Variants in PRDM5 observed in about 807,000 individuals in gnomAD.
PRDM5 encodes PR/SET domain 5.
In PRDM5, 56 loss-of-function variants were observed where a neutral mutation model predicts 81.2. The ratio of observed to expected loss-of-function variants is 0.69; its 90% CI spans 0.56 to 0.86. PRDM5 has a LOEUF of 0.86. Ranked by LOEUF, PRDM5 falls within the 40% of genes least tolerant of loss-of-function variation. The pLI, the probability that PRDM5 is intolerant of heterozygous loss-of-function variation, is 0.00. For synonymous variants in PRDM5, 267 were observed against 256.4 expected (o/e 1.04, Z -0.39); for missense variants, 697 against 770.1 (o/e 0.91, Z 1.12).
chr4:120,720,261 G>A (rs1196706374), intron 14 of PRDM5, among the ~76,000 whole-genome samples: 1 of 152,162 alleles, frequency 6.6e-6, no homozygotes, highest in African/African-American at 2.4e-5. Flanking sequence ...TGGTGGTCCT[G>A]ACCACTGATC....
intron 2 of PRDM5, among the ~76,000 whole-genome samples, chr4:120,899,560 C>T: frequency 6.6e-6 from 1 of 152,146 alleles, no homozygotes; most frequent in East Asian, 1.9e-4. Flanking sequence ...ACAACAAACT[C>T]AGAATCTCCT....
At chr4:120,804,225 G>T (rs1293991470) in intron 8 of PRDM5, among the ~76,000 whole-genome samples, 2 of 152,172 alleles carry the variant, frequency 1.3e-5, no homozygotes, top group Non-Finnish European at 2.9e-5. Context: ...CCTACAAAGA[G>T]ATTTAGACTC....
chr4:120,919,991 A>G (rs1374896603), intron 1 of PRDM5, among the ~76,000 whole-genome samples: 1 of 152,202 alleles, frequency 6.6e-6, no homozygotes, highest in East Asian at 1.9e-4. Flanking sequence ...GCAAAAAAGG[A>G]TAATTGCCAA....
intron 14 of PRDM5, among the ~76,000 whole-genome samples, chr4:120,741,519 G>C (rs1204729854): frequency 1.3e-5 from 2 of 151,670 alleles, no homozygotes; most frequent in South Asian, 2.1e-4. Context: ...GAGGTACCGG[G>C]TTCATCTCAC....
chr4:120,782,625 G>A (rs1749198582), intron 11 of PRDM5, among the ~76,000 whole-genome samples: 1 of 152,050 alleles, frequency 6.6e-6, no homozygotes, highest in Admixed American at 6.6e-5. Flanking sequence ...TGGATTCTGA[G>A]AGCTTGGTTT....
At chr4:120,853,588 G>T in intron 2 of PRDM5, 48 bp from the exon 3 acceptor site, 1 of 1,611,692 alleles carries the variant, frequency 6.2e-7, no homozygotes, top group South Asian at 1.1e-5. Context: ...CAGAATATTA[G>T]CCTTTAAACA....
chr4:120,845,030 A>G (rs1758496826), intron 3 of PRDM5, among the ~76,000 whole-genome samples: 1 of 152,238 alleles, frequency 6.6e-6, no homozygotes, highest in African/African-American at 2.4e-5. Flanking sequence ...CCCTAATTCT[A>G]TTCAATTCTG....
chr4:120,816,178 CT>C (rs1754457911), intron 7 of PRDM5: 1 of 444,834 alleles, frequency 2.2e-6, no homozygotes, highest in African/African-American at 2.0e-5. Flanking sequence ...AATATTAATT[CT>C]TAATGCATCT....
intron 2 of PRDM5, among the ~76,000 whole-genome samples, chr4:120,903,736 G>A (rs1286010254): frequency 1.3e-5 from 2 of 152,168 alleles, no homozygotes; most frequent in African/African-American, 4.8e-5. Context: ...CTGTTCTCGT[G>A]GTAGTGAATA....
At chr4:120,733,530 C>T (rs1455304532) in intron 14 of PRDM5, among the ~76,000 whole-genome samples, 1 of 152,202 alleles carries the variant, frequency 6.6e-6, no homozygotes, top group Non-Finnish European at 1.5e-5. Flanking sequence ...TGGACCCTAC[C>T]TGGTCTCCCT....
intron 3 of PRDM5, among the ~76,000 whole-genome samples, chr4:120,824,943 T>C (rs543688206): frequency 4.7e-4 from 71 of 152,314 alleles, no homozygotes; most frequent in Admixed American, 9.8e-4. Context: ...CTCTACATTT[T>C]ATAATTTTCC....
At chr4:120,823,895 G>T (rs930561500) in intron 3 of PRDM5, among the ~76,000 whole-genome samples, 1 of 152,202 alleles carries the variant, frequency 6.6e-6, no homozygotes. Flanking sequence ...ACATGGCTTA[G>T]TGCCGTTCTC....
Position 120,887,886 on chromosome 4 carries a change from G to A in PRDM5, c.177+19588C>T, listed in dbSNP as rs369152620. ...CGGCTCACTGCAAGCTCCGCCTCCC[G>A]GGTTCACGCCATTCTCCTGCCTCAG... On this transcript the variant is annotated intron_variant, in intron 2 of 15. Coordinates refer to ENST00000264808, the MANE Select transcript of PRDM5 (RefSeq NM_018699.4). 3.4e-4 allele frequency among the ~76,000 whole-genome samples: 20 copies of A among 59,408 alleles called. 1 individual carries two copies. The South Asian group carries it at 6.6e-3, about 19-fold the overall frequency. 39.0% of individuals were successfully genotyped at this position (59,408 alleles called of 152,430 possible). A position where few individuals can be genotyped will look rare whatever the true frequency, so the allele number is the denominator to read the frequency against.
At position 120,864,396 on chromosome 4, in the gene PRDM5, GT is replaced by G. The variant is rs1160054621; in HGVS notation, c.178-10857del. 3.3e-5 allele frequency among the ~76,000 whole-genome samples: 5 copies of G among 152,186 alleles called. No homozygotes were observed. In the East Asian group the frequency reaches 9.6e-4, roughly 29 times the overall value. On this transcript the variant is annotated intron_variant, in intron 2 of 15. Transcript: ENST00000264808. ...AATCAGACAGACCAATATTCTAGAT[GT>G]TTTTAATCCAAGGCAGGTGAAATCA...
chr4:120,691,069 T>C (rs1196989097), downstream of PRDM5, among the ~76,000 whole-genome samples: 2 of 152,148 alleles, frequency 1.3e-5, no homozygotes, highest in African/African-American at 4.8e-5. Flanking sequence ...TTAAATACTA[T>C]ATATTTTCTA....
intron 3 of PRDM5, among the ~76,000 whole-genome samples, chr4:120,846,641 G>A (rs1006200618): frequency 1.3e-5 from 2 of 152,172 alleles, no homozygotes; most frequent in Non-Finnish European, 2.9e-5. Flanking sequence ...TCTTGGAGTG[G>A]ACTGGAATGA....
rs1761888823 is a variant in PRDM5 at position 120,872,161 on chromosome 4, A to AG, written c.178-18622_178-18621insC. On this transcript the variant is annotated intron_variant, in intron 2 of 15. Coordinates refer to ENST00000264808, the MANE Select transcript of PRDM5 (RefSeq NM_018699.4). ...GCAAGACTCCATCTCAAAAAAAAAAAAAAAAAAAAAAAACCTGTACAGAGG... is the reference window on the plus strand; with the variant it reads ...GCAAGACTCCATCTCAAAAAAAAAAAGAAAAAAAAAAAAACCTGTACAGAGG... Among the ~76,000 whole-genome samples, 3 of 147,834 alleles carry AG rather than the reference A, an allele frequency of 2.0e-5. No homozygotes were observed. The South Asian group carries it at 6.4e-4, about 31-fold the overall frequency.
intron 1 of PRDM5, among the ~76,000 whole-genome samples, chr4:120,917,568 A>G (rs1431833096): frequency 6.6e-6 from 1 of 152,170 alleles, no homozygotes; most frequent in African/African-American, 2.4e-5. Context: ...CAAAGTGAAT[A>G]GTACAGGTCT....
At chr4:120,827,247 A>G (rs1378444260) in intron 3 of PRDM5, among the ~76,000 whole-genome samples, 1 of 152,188 alleles carries the variant, frequency 6.6e-6, no homozygotes, top group Admixed American at 6.5e-5. Context: ...GTAACATCAT[A>G]TAATATGGAA....
Sources: allele counts gnomAD v4.1 joint callset (sites outside exome capture counted in the v4.1 genomes callset), GRCh38; gene constraint gnomAD v4.1.1; transcripts MANE v1.5; gene names NCBI Gene and HGNC (gene_info 2026-07-23, HGNC 2026-07-21).